ZNF471: variants seen among roughly 807,000 people sequenced by gnomAD.
The protein encoded by ZNF471 is zinc finger protein 471, also known as EZFIT-related protein 1.
ZNF471 carries 7 observed loss-of-function variants against 13.7 expected under a neutral mutation model. That is an observed-to-expected ratio of 0.51 (90% confidence interval 0.29 to 0.96). The LOEUF (loss-of-function observed/expected upper bound fraction) is 0.96, where lower values mean the gene tolerates loss of function less well. ZNF471 is among the 40% of genes least tolerant of loss of function. The pLI is 0.08. For synonymous variants in ZNF471, 218 were observed against 235.6 expected (o/e 0.93, Z 0.68); for missense variants, 663 against 743.3 (o/e 0.89, Z 1.26).
chr19:56,528,649 CTTG>C lies in ZNF471; in HGVS notation c.*2705_*2707del, dbSNP rs900902192. 15 of 152,170 alleles carry C rather than the reference CTTG, an allele frequency of 9.9e-5. No homozygotes were observed. The highest frequency in any genetic ancestry group is 3.4e-4 in the African/African-American group (14 of 41,506). 9.4% of individuals were successfully genotyped at this position (152,170 alleles called of 1,614,324 possible). A position where few individuals can be genotyped will look rare whatever the true frequency, so the allele number is the denominator to read the frequency against. ...TGTCTCATGATTAAGGCTGTGTTCC[CTTG>C]TTGGTGAGGAAATTAATTATGACTT... is the stretch of plus-strand genomic sequence containing the variant. On this transcript the variant is annotated 3_prime_UTR_variant, in exon 5 of 5. Transcript: ENST00000308031.
At chr19:56,518,380 T>TA (rs1458685063) in intron 3 of ZNF471, 102 bp from the exon 4 acceptor site, 1 of 833,400 alleles carries the variant, frequency 1.2e-6, no homozygotes, top group Non-Finnish European at 1.9e-6. Context: ...ATCTCTTATC[T>TA]AGTATTCCTA....
Position 56,530,024 on chromosome 19 carries a change from G to A in ZNF471, c.*4076G>A, listed in dbSNP as rs1396011248. 6.6e-6 allele frequency: 1 copy of A among 152,206 alleles called. No homozygotes were observed. The allele number at this position is 152,206 out of a possible 1,614,324, so 9.4% of individuals were successfully genotyped here. A position where few individuals can be genotyped will look rare whatever the true frequency, so the allele number is the denominator to read the frequency against. On this transcript the variant is annotated 3_prime_UTR_variant, in exon 5 of 5. Transcript: ENST00000308031. ...GAATTGTGAAAAATTTGGAAAAAATGTTTAGTGCTATTAAAGTTATGGGTT... is the reference window on the plus strand; with the variant it reads ...GAATTGTGAAAAATTTGGAAAAAATATTTAGTGCTATTAAAGTTATGGGTT...
Position 56,525,861 on chromosome 19 carries a change from C to T in ZNF471, c.1794C>T (p.Pro598=), listed in dbSNP as rs747194112. The change falls in exon 5 of 5, where the codon CCC becomes CCT. Residue 598 remains proline, a synonymous_variant. Transcript: ENST00000308031. ...QHQRLHTGQR[P]YQCFECGKAF... is the part of the protein sequence containing the mutation. Reference sequence around the variant, plus strand: ...AAAGACTCCACACTGGCCAAAGGCCCTATCAGTGTTTTGAATGTGGGAAGG... The same window carrying T: ...AAAGACTCCACACTGGCCAAAGGCCTTATCAGTGTTTTGAATGTGGGAAGG... The T allele has an allele frequency of 1.2e-6, 2 of 1,607,658 alleles. No homozygotes were observed. Among genetic ancestry groups the T allele is most frequent in the South Asian group, 1.1e-5 (1 of 89,706 alleles).
At position 56,516,018 on chromosome 19, in the gene ZNF471, T is replaced by G. The variant is rs2147912387; in HGVS notation, c.34-257T>G. On this transcript the variant is annotated intron_variant, in intron 2 of 4. Transcript: ENST00000308031. This position sits in a 1 kb window ranked among gnomAD's most constrained non-coding sequence, Gnocchi z 4.4. ...TATGCTTTTGAAGATTCAACACAGG[T>G]GTGTGTTCTCCCTTGAAGCCGTCTT... Among the ~76,000 whole-genome samples, 1 of 152,316 alleles carries G rather than the reference T, an allele frequency of 6.6e-6. No homozygotes were observed. The highest frequency in any genetic ancestry group is 2.1e-4 in the South Asian group (1 of 4,830).
intron 3 of ZNF471, among the ~76,000 whole-genome samples, chr19:56,517,144 C>A (rs1252958324): frequency 7.9e-6 from 1 of 126,114 alleles, no homozygotes; most frequent in African/African-American, 3.0e-5. Flanking sequence ...CTCTCGCTCT[C>A]TTTTTTTTTT....
intron 2 of ZNF471, 68 bp downstream of exon 2, chr19:56,511,672 T>C: frequency 7.5e-7 from 1 of 1,325,614 alleles, no homozygotes; most frequent in Non-Finnish European, 1.1e-6. Context: ...GTAATGCTTC[T>C]TTTCTTTTGA....
Position 56,516,543 on chromosome 19 carries a change from G to A in ZNF471, c.160+142G>A. 1.4e-6 allele frequency: 1 copy of A among 721,880 alleles called. No individual in the cohort carries two copies. The highest frequency in any genetic ancestry group is 2.2e-6 in the Non-Finnish European group (1 of 462,606). The allele number at this position is 721,880 out of a possible 1,614,324, so 44.7% of individuals were successfully genotyped here. The stretch of plus-strand genomic sequence containing the variant: ...AAACAGAGGATATTGAGGGACTGAA[G>A]AAAACTTGAGATTTAGAGTTAGTGA... On this transcript the variant is annotated intron_variant, in intron 3 of 4. Transcript: ENST00000308031. The surrounding 1 kb of genome is among the most constrained non-coding windows in gnomAD (Gnocchi z 4.4).
In ZNF471 at chr19:56,526,527, C is replaced by T. The variant is rs1470472771; in HGVS notation, c.*579C>T. 1 of 152,408 alleles carries T rather than the reference C, an allele frequency of 6.6e-6. No homozygotes were observed. The highest frequency in any genetic ancestry group is 2.4e-5 in the African/African-American group (1 of 41,428). The allele number at this position is 152,408 out of a possible 1,614,324, so 9.4% of individuals were successfully genotyped here. The stretch of plus-strand genomic sequence containing the variant: ...TGCCAGTGAAACAGAACCGCTTACT[C>T]CCTTGTTAAGGGGGCTGAAGCCGGG... On this transcript the variant is annotated 3_prime_UTR_variant, in exon 5 of 5. Coordinates refer to ENST00000308031, the MANE Select transcript of ZNF471 (RefSeq NM_020813.4).
chr19:56,518,666 A>T (rs1362818147), intron 4 of ZNF471, 89 bp downstream of exon 4: 1 of 1,098,842 alleles, frequency 9.1e-7, no homozygotes, highest in African/African-American at 1.6e-5. Context: ...TATGCATCTC[A>T]GAAACTCTTC....
In ZNF471 at chr19:56,516,311, TC is replaced by T. The variant is rs1416565110; in HGVS notation, c.73del (p.Gln25ArgfsTer7). 1 of 1,613,818 alleles carries T rather than the reference TC, an allele frequency of 6.2e-7. No individual in the cohort carries two copies. Among genetic ancestry groups the T allele is most frequent in the African/African-American group, 1.3e-5 (1 of 74,934 alleles). ...ATTCAAGGATGTGGCAATAGATTTT[TC>T]CCAGGAAGAATGGCAATGGATGAAC... ...VTFKDVAIDFSQEEWQWMNPA... is the reference protein window; with the variant it reads ...VTFKDVAIDFXQEEWQWMNPA... On this transcript the variant is annotated frameshift_variant, in exon 3 of 5. Transcript: ENST00000308031. LOFTEE classifies it high-confidence loss of function. The surrounding 1 kb of genome is among the most constrained non-coding windows in gnomAD (Gnocchi z 4.4).
At position 56,516,189 on chromosome 19, in the gene ZNF471, C is replaced by A; in HGVS notation, c.34-86C>A. On this transcript the variant is annotated intron_variant, in intron 2 of 4. Transcript: ENST00000308031. This position sits in a 1 kb window ranked among gnomAD's most constrained non-coding sequence, Gnocchi z 4.4. Reference sequence around the variant, plus strand: ...TTTTTCTCTTCTATGAGTTATTTCTCACCTAAAGTAGAGACACTTTGGATC... The same window carrying A: ...TTTTTCTCTTCTATGAGTTATTTCTAACCTAAAGTAGAGACACTTTGGATC... 7.3e-7 allele frequency: 1 copy of A among 1,360,800 alleles called. No individual in the cohort carries two copies. The highest frequency in any genetic ancestry group is 1.0e-6 in the Non-Finnish European group (1 of 977,438). 84.3% of individuals were successfully genotyped at this position (1,360,800 alleles called of 1,614,324 possible).
Position 56,528,768 on chromosome 19 carries a change from CTT to C in ZNF471, c.*2822_*2823del, listed in dbSNP as rs1376417618. 6.6e-6 allele frequency: 1 copy of C among 152,004 alleles called. No homozygotes were observed. The highest frequency in any genetic ancestry group is 1.5e-5 in the Non-Finnish European group (1 of 68,008). The allele number at this position is 152,004 out of a possible 1,614,324, so 9.4% of individuals were successfully genotyped here. ...ATTCCTGCGGGGAATATATACAAGA[CTT>C]TATTTAGTCAAGTAAAAAAAAATCA... On this transcript the variant is annotated 3_prime_UTR_variant, in exon 5 of 5. Coordinates refer to ENST00000308031, the MANE Select transcript of ZNF471 (RefSeq NM_020813.4).
At chr19:56,515,574 T>A (rs1464589201) in intron 2 of ZNF471, among the ~76,000 whole-genome samples, 1 of 152,246 alleles carries the variant, frequency 6.6e-6, no homozygotes, top group Non-Finnish European at 1.5e-5. Context: ...CGAATTAAAA[T>A]GTGCTCATAA....
At chr19:56,519,696 G>C (rs144950864) in intron 4 of ZNF471, among the ~76,000 whole-genome samples, 2 of 152,058 alleles carry the variant, frequency 1.3e-5, no homozygotes, top group African/African-American at 4.8e-5. Context: ...TAAATTTCCC[G>C]TGTCCTCCAA....
Position 56,518,564 on chromosome 19 carries a change from A to G in ZNF471, c.243A>G (p.Arg81=). The change falls in exon 4 of 5, where the codon AGA becomes AGG. Residue 81 remains arginine (R), a synonymous_variant. Coordinates refer to ENST00000308031, the MANE Select transcript of ZNF471 (RefSeq NM_020813.4). ...EPWEMTSEMT[R]SPFSDWESIY... is the part of the protein sequence containing the mutation. ...GGGAGATGACGAGTGAGATGACAAGAAGCCCATTCTCAGGTGAGTGTGGAA... is the reference window on the plus strand; with the variant it reads ...GGGAGATGACGAGTGAGATGACAAGGAGCCCATTCTCAGGTGAGTGTGGAA... 1 of 1,613,656 alleles carries G rather than the reference A, an allele frequency of 6.2e-7. No homozygotes were observed. The highest frequency in any genetic ancestry group is 8.5e-7 in the Non-Finnish European group (1 of 1,179,842).
intron 2 of ZNF471, among the ~76,000 whole-genome samples, chr19:56,514,524 G>A (rs186482085): frequency 6.6e-6 from 1 of 152,212 alleles, no homozygotes; most frequent in Admixed American, 6.5e-5. Flanking sequence ...TGTCAGCTTT[G>A]AGGAATACTC....
At position 56,525,930 on chromosome 19, in the gene ZNF471, T is replaced by C. The variant is rs2044041339; in HGVS notation, c.1863T>C (p.His621=). 2 of 1,565,422 alleles carry C rather than the reference T, an allele frequency of 1.3e-6. No homozygotes were observed. The highest frequency in any genetic ancestry group is 1.2e-5 in the South Asian group (1 of 81,978). ...KLSLICHQRS[H]TGEEP ...CCTTAATTTGTCATCAAAGAAGTCA[T>C]ACTGGAGAAGAACCTTAAGAATGTA... The change falls in exon 5 of 5, where the codon CAT becomes CAC. Residue 621 remains histidine (H), a synonymous_variant. Transcript: ENST00000308031.
chr19:56,516,275 G>A lies in ZNF471; in HGVS notation c.34G>A (p.Asp12Asn). The A allele has an allele frequency of 1.2e-6, 2 of 1,613,130 alleles. No homozygotes were observed. The highest frequency in any genetic ancestry group is 2.2e-5 in the South Asian group (2 of 91,038). The change falls in exon 3 of 5, where the codon GAC becomes AAC. Residue 12 changes from aspartate (D) to asparagine (N), a missense_variant and splice_region_variant. Transcript: ENST00000308031. This position sits in a 1 kb window ranked among gnomAD's most constrained non-coding sequence, Gnocchi z 4.4. ...NVEVVKVMPQ[D>N]LVTFKDVAID... ...GTTAAGAATATATTTGTCACTTCAG[G>A]ACTTAGTGACATTCAAGGATGTGGC...
chr19:56,515,977 GT>G (rs1297413510), intron 2 of ZNF471, among the ~76,000 whole-genome samples: 1 of 152,190 alleles, frequency 6.6e-6, no homozygotes, highest in African/African-American at 2.4e-5. Flanking sequence ...AAAAATATCA[GT>G]TTAGATATTC....
Sources: allele counts gnomAD v4.1 joint callset (sites outside exome capture counted in the v4.1 genomes callset), GRCh38; gene constraint gnomAD v4.1.1; non-coding constraint Gnocchi (gnomAD v3.1); transcripts MANE v1.5; gene names NCBI Gene and HGNC (gene_info 2026-07-23, HGNC 2026-07-21).